SYNDIG1: variants seen among roughly 807,000 people sequenced by gnomAD.
SYNDIG1 encodes synapse differentiation inducing 1, also known as synapse differentiation-inducing gene protein 1.
A neutral mutation model predicts 19.4 loss-of-function variants in SYNDIG1; 9 were observed. The ratio of observed to expected loss-of-function variants is 0.46; its 90% confidence interval spans 0.28 to 0.81. The LOEUF (loss-of-function observed/expected upper bound fraction) is 0.81. SYNDIG1 is among the 30% of genes least tolerant of loss of function. SYNDIG1 has a pLI of 0.12. For synonymous variants in SYNDIG1, 141 were observed against 145.9 expected (o/e 0.97, Z 0.24); for missense variants, 311 against 343.3 (o/e 0.91, Z 0.74).
At chr20:24,584,256 T>C (rs1384625473) in intron 2 of SYNDIG1, among the ~76,000 whole-genome samples, 1 of 152,184 alleles carries the variant, frequency 6.6e-6, no homozygotes, top group Non-Finnish European at 1.5e-5. Flanking sequence ...CCCACCTGTG[T>C]CTTGACTCAG....
chr20:24,469,864 G>A (rs1223956371), intron 1 of SYNDIG1, 111 bp downstream of exon 1: 4 of 152,140 alleles, frequency 2.6e-5, no homozygotes, highest in African/African-American at 9.7e-5. Flanking sequence ...CTGCGCTGGC[G>A]GGTGTCCTAG....
chr20:24,535,683 A>G (rs536060548), intron 1 of SYNDIG1, among the ~76,000 whole-genome samples: 2 of 152,180 alleles, frequency 1.3e-5, no homozygotes, highest in Non-Finnish European at 2.9e-5. Flanking sequence ...GGCTATAAAG[A>G]TTAATAACAA....
intron 3 of SYNDIG1, among the ~76,000 whole-genome samples, chr20:24,601,015 A>G (rs916338261): frequency 1.3e-5 from 2 of 152,234 alleles, no homozygotes; most frequent in African/African-American, 4.8e-5. Context: ...TTCACTGTTA[A>G]GTAGGCTCTT....
intron 3 of SYNDIG1, among the ~76,000 whole-genome samples, chr20:24,612,869 A>T (rs561687479): frequency 6.6e-6 from 1 of 152,360 alleles, no homozygotes; most frequent in East Asian, 1.9e-4. Flanking sequence ...AACAGGACAC[A>T]TCCTGTGTGC....
chr20:24,588,172 G>A (rs1038383052), intron 3 of SYNDIG1, among the ~76,000 whole-genome samples: 1 of 152,162 alleles, frequency 6.6e-6, no homozygotes, highest in Non-Finnish European at 1.5e-5. Context: ...TTAGCTGAGG[G>A]TTAGAGATGA....
chr20:24,656,385 T>G (rs1418541312), intron 3 of SYNDIG1, among the ~76,000 whole-genome samples: 1 of 152,190 alleles, frequency 6.6e-6, no homozygotes, highest in East Asian at 1.9e-4. Context: ...TAATAGAATA[T>G]CTCATGATTT....
chr20:24,658,407 C>T lies in SYNDIG1; in HGVS notation c.619-6939C>T, dbSNP rs1482380794. Among the ~76,000 whole-genome samples, 1 of 151,962 alleles carries T rather than the reference C, an allele frequency of 6.6e-6. No individual in the cohort carries two copies. Among genetic ancestry groups the T allele is most frequent in the Non-Finnish European group, 1.5e-5 (1 of 67,978 alleles). ...GTCCCTGATGGCCGGTGCTCCTCCC[C>T]GTGACAGATTCCACACAGGAGCTGC... On this transcript the variant is annotated intron_variant, in intron 3 of 3. Transcript: ENST00000376862. The surrounding 1 kb of genome is among the most constrained non-coding windows in gnomAD (Gnocchi z 4.4).
chr20:24,517,805 T>TATATA (rs1555790325), intron 1 of SYNDIG1, among the ~76,000 whole-genome samples: 1 of 143,170 alleles, frequency 7.0e-6, no homozygotes, highest in African/African-American at 2.6e-5. Context: ...AAAATATTTT[T>TATATA]TATATATATA....
chr20:24,604,122 C>CT (rs11300143), intron 3 of SYNDIG1, among the ~76,000 whole-genome samples: 8 of 151,688 alleles, frequency 5.3e-5, no homozygotes, highest in South Asian at 4.2e-4. Context: ...ATTATTCTTT[C>CT]TTTTTTTTTC....
intron 3 of SYNDIG1, among the ~76,000 whole-genome samples, chr20:24,611,637 A>C (rs1600740572): frequency 4.4e-5 from 6 of 137,602 alleles, no homozygotes; most frequent in South Asian, 4.6e-4. Flanking sequence ...CTCCCATGCC[A>C]CCCCTCCAGG....
chr20:24,543,316 G>C lies in SYNDIG1; in HGVS notation c.219G>C (p.Leu73=). Residue 73 remains leucine, a synonymous_variant, in exon 2 of 4, where the codon CTG becomes CTC. Coordinates refer to ENST00000376862, the MANE Select transcript of SYNDIG1 (RefSeq NM_024893.3). ...GCAGGAGTGAGCCGATGCAGCAGCTGCTGGACCCCAACACCCTGCAGCAGT... is the reference window on the plus strand; with the variant it reads ...GCAGGAGTGAGCCGATGCAGCAGCTCCTGGACCCCAACACCCTGCAGCAGT... ...DSSRSEPMQQ[L]LDPNTLQQSV... 1 of 1,613,546 alleles carries C rather than the reference G, an allele frequency of 6.2e-7. No individual in the cohort carries two copies.
At chr20:24,555,588 G>C (rs1463620948) in intron 2 of SYNDIG1, among the ~76,000 whole-genome samples, 1 of 152,206 alleles carries the variant, frequency 6.6e-6, no homozygotes, top group African/African-American at 2.4e-5. Flanking sequence ...GGAGCAGGTT[G>C]TTCAGTTTCC....
chr20:24,640,425 G>T lies in SYNDIG1; in HGVS notation c.619-24921G>T, dbSNP rs570025771. On this transcript the variant is annotated intron_variant, in intron 3 of 3. Coordinates refer to ENST00000376862, the MANE Select transcript of SYNDIG1 (RefSeq NM_024893.3). ...AAGAAAGTGAGAGAGGGAGAAAAAA[G>T]GAAGAAGGAAGGAGGGAAGGAAATG... Among the ~76,000 whole-genome samples the T allele has an allele frequency of 4.1e-5, 6 of 146,422 alleles. No individual in the cohort carries two copies. The East Asian group carries it at 1.0e-3, about 25-fold the overall frequency.
chr20:24,473,624 T>G (rs530175729), intron 1 of SYNDIG1, among the ~76,000 whole-genome samples: 2 of 152,130 alleles, frequency 1.3e-5, no homozygotes, highest in African/African-American at 4.8e-5. Context: ...AGGGACGCAC[T>G]GGGGAGACAG....
At chr20:24,576,399 C>G (rs1568655021) in intron 2 of SYNDIG1, among the ~76,000 whole-genome samples, 1 of 152,186 alleles carries the variant, frequency 6.6e-6, no homozygotes, top group Non-Finnish European at 1.5e-5. Context: ...TATGATGGTT[C>G]CGAGCTCTAG....
At chr20:24,612,283 G>C (rs965860568) in intron 3 of SYNDIG1, among the ~76,000 whole-genome samples, 3 of 152,166 alleles carry the variant, frequency 2.0e-5, no homozygotes, top group African/African-American at 7.2e-5. Context: ...TAGCTGAAGG[G>C]GCTGGGAAGA....
chr20:24,480,567 G>T (rs911775810), intron 1 of SYNDIG1, among the ~76,000 whole-genome samples: 1 of 152,192 alleles, frequency 6.6e-6, no homozygotes, highest in Non-Finnish European at 1.5e-5. Context: ...TAGTGTGGAG[G>T]TTCCTCAGAA....
At chr20:24,661,505 AGGG>A in intron 3 of SYNDIG1, among the ~76,000 whole-genome samples, 2 of 136,700 alleles carry the variant, frequency 1.5e-5, no homozygotes, top group Non-Finnish European at 3.1e-5. Context: ...GGGAGGGAAG[AGGG>A]AGGAAGGAGG....
chr20:24,497,932 AT>A (rs1315953939), intron 1 of SYNDIG1, among the ~76,000 whole-genome samples: 13 of 152,180 alleles, frequency 8.5e-5, no homozygotes, highest in Non-Finnish European at 1.0e-4. Flanking sequence ...TTCAACCTGG[AT>A]TGTCCAGACC....
Sources: gnomAD v4.1 joint callset for allele counts (sites outside exome capture counted in the v4.1 genomes callset) on GRCh38, gnomAD v4.1.1 for gene constraint, Gnocchi (gnomAD v3.1) non-coding constraint, MANE v1.5 for transcripts, NCBI Gene and HGNC (gene_info 2026-07-23, HGNC 2026-07-21) for gene names.